NEURL1B: variants seen among roughly 807,000 people sequenced by gnomAD.
The protein encoded by NEURL1B is neuralized E3 ubiquitin protein ligase 1B.
Under a neutral mutation model 37.4 loss-of-function variants are expected in NEURL1B, and 13 were observed. The observed-to-expected ratio is 0.35, with a 90% CI of 0.23 to 0.55. The LOEUF (loss-of-function observed/expected upper bound fraction) is 0.55, where lower values mean the gene tolerates loss of function less well. Among genes scored for constraint, NEURL1B ranks in the 20% least tolerant of loss-of-function variants. NEURL1B has a pLI of 0.89. For synonymous variants in NEURL1B, 432 were observed against 426.6 expected, an observed-to-expected ratio of 1.01 and a Z score of -0.16; for missense variants, 790 against 879.2, an observed-to-expected ratio of 0.90 and a Z score of 1.28.
intron 1 of NEURL1B, among the ~76,000 whole-genome samples, chr5:172,646,930 A>T (rs954044739): frequency 9.5e-5 from 14 of 147,282 alleles, no homozygotes; most frequent in African/African-American, 3.3e-4. Flanking sequence ...AGGTCACAGC[A>T]GTGGGAAAGT....
intron 2 of NEURL1B, 70 bp downstream of exon 2, chr5:172,670,400 T>C: frequency 2.5e-6 from 3 of 1,213,356 alleles, no homozygotes; most frequent in South Asian, 4.5e-5. Context: ...TGTGTTTCAT[T>C]AGTAGCCACA....
intron 1 of NEURL1B, among the ~76,000 whole-genome samples, chr5:172,645,161 A>C (rs1439731783): frequency 6.6e-6 from 1 of 152,138 alleles, no homozygotes; most frequent in Non-Finnish European, 1.5e-5. Flanking sequence ...ATCTATTTGA[A>C]ATCCTCATAA....
At chr5:172,674,195 C>T (rs1435763676) in intron 2 of NEURL1B, among the ~76,000 whole-genome samples, 1 of 152,124 alleles carries the variant, frequency 6.6e-6, no homozygotes, top group African/African-American at 2.4e-5. Flanking sequence ...TGCATTTCAT[C>T]TGGCAATCCT....
intron 1 of NEURL1B, among the ~76,000 whole-genome samples, chr5:172,664,574 G>A (rs1031556124): frequency 6.6e-5 from 10 of 152,172 alleles, no homozygotes; most frequent in African/African-American, 2.4e-4. Context: ...CAATGATAAA[G>A]TTCAGGTTTG....
chr5:172,679,752 A>G (rs1368426819), intron 2 of NEURL1B, among the ~76,000 whole-genome samples: 1 of 152,192 alleles, frequency 6.6e-6, no homozygotes, highest in Non-Finnish European at 1.5e-5. Flanking sequence ...GTGCCTTCAC[A>G]TGTGCTGTTC....
Position 172,690,893 on chromosome 5 carries a change from TC to T in NEURL1B, c.*3969del, listed in dbSNP as rs1758639910. 1 of 152,230 alleles carries T rather than the reference TC, an allele frequency of 6.6e-6. No homozygotes were observed. The highest frequency in any genetic ancestry group is 2.4e-5 in the African/African-American group (1 of 41,426). The allele number at this position is 152,230 out of a possible 1,614,324, so 9.4% of individuals were successfully genotyped here. A position where few individuals can be genotyped will look rare whatever the true frequency, so the allele number is the denominator to read the frequency against. On this transcript the variant is annotated 3_prime_UTR_variant, in exon 5 of 5. Coordinates refer to ENST00000369800, the MANE Select transcript of NEURL1B (RefSeq NM_001142651.3). ...AATTGCTGCTTTCAGGCCCTGGAAA[TC>T]AGTCGCCAAGGCCCAGGAGAACCCC...
chr5:172,659,121 C>T (rs942550755), intron 1 of NEURL1B, among the ~76,000 whole-genome samples: 4 of 146,542 alleles, frequency 2.7e-5, no homozygotes, highest in Middle Eastern at 3.4e-3. Context: ...GCTACTTATA[C>T]GTAGTCTAGC....
In NEURL1B at chr5:172,689,626, A is replaced by T. The variant is rs555468207; in HGVS notation, c.*2701A>T. On this transcript the variant is annotated 3_prime_UTR_variant, in exon 5 of 5. Coordinates refer to ENST00000369800, the MANE Select transcript of NEURL1B (RefSeq NM_001142651.3). Reference sequence around the variant, plus strand: ...GAGGTCCTGTGAGTGAAGTGACCTCATGATCACACAACAGGAGATGGCAGG... The same window carrying T: ...GAGGTCCTGTGAGTGAAGTGACCTCTTGATCACACAACAGGAGATGGCAGG... The T allele has an allele frequency of 1.2e-4, 18 of 152,362 alleles. No homozygotes were observed. Among genetic ancestry groups the T allele is most frequent in the Admixed American group, 5.9e-4 (9 of 15,310 alleles). The allele number at this position is 152,362 out of a possible 1,614,324, so 9.4% of individuals were successfully genotyped here.
intron 3 of NEURL1B, 110 bp downstream of exon 3, chr5:172,684,248 C>T: frequency 1.0e-6 from 1 of 980,432 alleles, no homozygotes; most frequent in Non-Finnish European, 1.3e-6. Context: ...CGCTGCACCG[C>T]CCGAGGCCAG....
intron 2 of NEURL1B, among the ~76,000 whole-genome samples, chr5:172,671,712 G>GGGCTGTT (rs1215484209): frequency 6.6e-6 from 1 of 152,242 alleles, no homozygotes; most frequent in Non-Finnish European, 1.5e-5. Flanking sequence ...CTGCATGTTT[G>GGGCTGTT]GGCTGTTTCT....
In NEURL1B at chr5:172,683,148, G is replaced by C. The variant is rs1428864569; in HGVS notation, c.578-271G>C. Among the ~76,000 whole-genome samples the C allele has an allele frequency of 6.6e-6, 1 of 152,140 alleles. No individual in the cohort carries two copies. Among genetic ancestry groups the C allele is most frequent in the Non-Finnish European group, 1.5e-5 (1 of 68,010 alleles). ...GGAGGGATGGAAGAAGAGAAAGGAG[G>C]AGGCAGGGGAAAAAGGGCCTTATCT... On this transcript the variant is annotated intron_variant, in intron 2 of 4. Transcript: ENST00000369800. This position sits in a 1 kb window ranked among gnomAD's most constrained non-coding sequence, Gnocchi z 5.6.
chr5:172,685,841 G>A (rs1472926788), intron 3 of NEURL1B, among the ~76,000 whole-genome samples: 1 of 152,170 alleles, frequency 6.6e-6, no homozygotes, highest in East Asian at 1.9e-4. Flanking sequence ...GCCTTACGGG[G>A]GTTATGTGCC....
At chr5:172,664,826 G>A (rs1354014077) in intron 1 of NEURL1B, among the ~76,000 whole-genome samples, 2 of 152,080 alleles carry the variant, frequency 1.3e-5, no homozygotes, top group African/African-American at 2.4e-5. Context: ...TGTGGTCTTG[G>A]GGAGGAAAAA....
rs774806110 is a variant in NEURL1B at position 172,652,842 on chromosome 5, C to T, written c.31+11405C>T. Among the ~76,000 whole-genome samples, 12 of 152,310 alleles carry T rather than the reference C, an allele frequency of 7.9e-5. No individual in the cohort carries two copies. The South Asian group carries it at 8.3e-4, about 11-fold the overall frequency. ...AATAACTAGATGGTCAGCAATAGAGCGAGGAAGAAGAAAGAGTAATAGAAT... is the reference window on the plus strand; with the variant it reads ...AATAACTAGATGGTCAGCAATAGAGTGAGGAAGAAGAAAGAGTAATAGAAT... On this transcript the variant is annotated intron_variant, in intron 1 of 4. Coordinates refer to ENST00000369800, the MANE Select transcript of NEURL1B (RefSeq NM_001142651.3).
chr5:172,664,620 C>A (rs113016510), intron 1 of NEURL1B, among the ~76,000 whole-genome samples: 73 of 152,302 alleles, frequency 4.8e-4, no homozygotes, highest in African/African-American at 1.6e-3. Context: ...ATCCGCAGGG[C>A]CCTTGGAGTC....
intron 2 of NEURL1B, among the ~76,000 whole-genome samples, chr5:172,671,383 T>C (rs1428235958): frequency 5.9e-5 from 9 of 152,200 alleles, no homozygotes; most frequent in Admixed American, 4.6e-4. Context: ...AGTGTTGAAA[T>C]GCATGGATCT....
In NEURL1B at chr5:172,683,121, A is replaced by G. The variant is rs1281423185; in HGVS notation, c.578-298A>G. Among the ~76,000 whole-genome samples the G allele has an allele frequency of 6.6e-6, 1 of 152,140 alleles. No homozygotes were observed. The highest frequency in any genetic ancestry group is 1.5e-5 in the Non-Finnish European group (1 of 68,014). ...AGAGAAGGGGAAAGGGTGGAGAGAA[A>G]AGGAGGGATGGAAGAAGAGAAAGGA... On this transcript the variant is annotated intron_variant, in intron 2 of 4. Coordinates refer to ENST00000369800, the MANE Select transcript of NEURL1B (RefSeq NM_001142651.3). This position sits in a 1 kb window ranked among gnomAD's most constrained non-coding sequence, Gnocchi z 5.6.
At chr5:172,652,139 G>A (rs745522509) in intron 1 of NEURL1B, among the ~76,000 whole-genome samples, 5 of 152,246 alleles carry the variant, frequency 3.3e-5, no homozygotes, top group Non-Finnish European at 7.3e-5. Context: ...TGAGAGACAC[G>A]AAGTGAACTT....
At chr5:172,652,548 C>A (rs1757687056) in intron 1 of NEURL1B, among the ~76,000 whole-genome samples, 1 of 152,208 alleles carries the variant, frequency 6.6e-6, no homozygotes, top group African/African-American at 2.4e-5. Flanking sequence ...TCCATCCTTG[C>A]TGTTTAGTGG....
Sources: allele counts gnomAD v4.1 joint callset (sites outside exome capture counted in the v4.1 genomes callset), GRCh38; gene constraint gnomAD v4.1.1; non-coding constraint Gnocchi (gnomAD v3.1); transcripts MANE v1.5; gene names NCBI Gene and HGNC (gene_info 2026-07-23, HGNC 2026-07-21).